The following LINGO2 variants were observed in gnomAD, a reference collection of about 807,000 sequenced individuals.
LINGO2 encodes leucine rich repeat and Ig domain containing 2, also known as leucine-rich repeat and immunoglobulin-like domain-containing nogo receptor-interacting protein 2.
Under a neutral mutation model 30.6 loss-of-function variants are expected in LINGO2, and 14 were observed. That is an observed-to-expected ratio of 0.46 (90% confidence interval 0.30 to 0.72). The LOEUF is 0.72. Among genes scored for constraint, LINGO2 ranks in the 30% least tolerant of loss-of-function variants. The probability of loss-of-function intolerance (pLI) is 0.07; values close to 1 mark genes in which losing one functional copy is unlikely to be tolerated. For missense variants in LINGO2, 729 were observed against 751.7 expected (o/e 0.97, Z 0.35); for synonymous variants, 317 against 288.5 (o/e 1.10, Z -1.00).
chr9:28,797,339 TATATATATATATATATATATAGAG>T, the LINGO2 span, among the ~76,000 whole-genome samples: 9 of 66,492 alleles, frequency 1.4e-4, no homozygotes, highest in African/African-American at 5.2e-4. Flanking sequence ...CATATATATA[TATATATATATATATATATATAGAG>T]AGAGAGAGAG....
chr9:28,277,555 G>T (rs1412776223), intron 4 of LINGO2, among the ~76,000 whole-genome samples: 2 of 152,172 alleles, frequency 1.3e-5, no homozygotes, highest in Non-Finnish European at 2.9e-5. Context: ...TGTAATCCCA[G>T]CACTCTGGGA....
chr9:27,976,960 A>G (rs1488248229), intron 5 of LINGO2, among the ~76,000 whole-genome samples: 1 of 152,038 alleles, frequency 6.6e-6, no homozygotes, highest in African/African-American at 2.4e-5. Context: ...TAAATACATA[A>G]ATCTCTGAGA....
intron 2 of LINGO2, among the ~76,000 whole-genome samples, chr9:28,392,528 G>A (rs1036638185): frequency 1.3e-5 from 2 of 152,162 alleles, no homozygotes; most frequent in African/African-American, 4.8e-5. Context: ...CAAGGTATGG[G>A]AGAGCAGCAG....
Position 27,949,489 on chromosome 9 carries a change from CCTTGAAAGA to C in LINGO2, c.1174_1182del (p.Ser392_Lys394del), listed in dbSNP as rs1823520314. ...AAAGAAAGGGCAGTGCTATGGAAAT[CCTTGAAAGA>C]CCTCTCACGGATGGTGTCTGGGCCA... On this transcript the variant is annotated inframe_deletion, in exon 6 of 6. Coordinates refer to ENST00000379992, the Ensembl canonical transcript of LINGO2. 3 of 1,614,098 alleles carry C rather than the reference CCTTGAAAGA, an allele frequency of 1.9e-6. No homozygotes were observed. In the East Asian group the frequency reaches 6.7e-5, roughly 36 times the overall value.
intron 4 of LINGO2, among the ~76,000 whole-genome samples, chr9:28,092,192 C>G (rs1237992330): frequency 1.3e-5 from 2 of 152,142 alleles, no homozygotes; most frequent in African/African-American, 4.8e-5. Flanking sequence ...CATCCCATTA[C>G]TGGGTATATA....
upstream of LINGO2, among the ~76,000 whole-genome samples, chr9:28,671,089 C>T (rs1377047738): frequency 6.6e-6 from 1 of 151,996 alleles, no homozygotes; most frequent in African/African-American, 2.4e-5. Context: ...CCATGTTTCC[C>T]ATACACAAAT....
At chr9:28,446,601 T>C (rs986756527) in intron 2 of LINGO2, among the ~76,000 whole-genome samples, 1 of 152,196 alleles carries the variant, frequency 6.6e-6, no homozygotes, top group African/African-American at 2.4e-5. Flanking sequence ...TATTCACTAA[T>C]CTTGATCCCT....
the LINGO2 span, among the ~76,000 whole-genome samples, chr9:29,177,858 A>G: frequency 6.6e-6 from 1 of 152,142 alleles, no homozygotes; most frequent in Non-Finnish European, 1.5e-5. Flanking sequence ...ACTTGGCTAC[A>G]TTAAAATTGA....
At chr9:28,727,200 C>T in the LINGO2 span, among the ~76,000 whole-genome samples, 3 of 152,130 alleles carry the variant, frequency 2.0e-5, no homozygotes, top group South Asian at 6.2e-4. Context: ...TGACAGAGGC[C>T]CCAAACTATT....
At chr9:27,963,435 T>G (rs1488298849) in intron 5 of LINGO2, among the ~76,000 whole-genome samples, 1 of 152,168 alleles carries the variant, frequency 6.6e-6, no homozygotes, top group East Asian at 1.9e-4. Context: ...GCAACCATTA[T>G]TTTTAAAAAA....
At chr9:29,142,496 A>C in the LINGO2 span, among the ~76,000 whole-genome samples, 116,908 of 151,520 alleles carry the variant, frequency 0.77, 46,090 homozygotes, top group East Asian at 0.92. Context: ...CCTTAAAAAA[A>C]TAGAAAAAGA....
At chr9:29,116,794 G>A in the LINGO2 span, among the ~76,000 whole-genome samples, 34 of 152,060 alleles carry the variant, frequency 2.2e-4, no homozygotes, top group South Asian at 6.2e-4. Flanking sequence ...GCAGCACATC[G>A]TTAAGTGGCT....
At chr9:28,993,277 A>G in the LINGO2 span, among the ~76,000 whole-genome samples, 1 of 152,172 alleles carries the variant, frequency 6.6e-6, no homozygotes, top group East Asian at 1.9e-4. Context: ...AGAAATGGAT[A>G]AATTCCTCGA....
chr9:28,687,763 AT>A, the LINGO2 span, among the ~76,000 whole-genome samples: 1 of 151,910 alleles, frequency 6.6e-6, no homozygotes, highest in African/African-American at 2.4e-5. Flanking sequence ...TTTTTTGTTT[AT>A]TTTTATTCAG....
At chr9:29,083,521 T>G in the LINGO2 span, among the ~76,000 whole-genome samples, 1 of 151,976 alleles carries the variant, frequency 6.6e-6, no homozygotes, top group African/African-American at 2.4e-5. Context: ...ACATGGCACA[T>G]GTATACATAT....
At chr9:28,650,666 G>C (rs1259941348) in intron 1 of LINGO2, among the ~76,000 whole-genome samples, 2 of 151,990 alleles carry the variant, frequency 1.3e-5, no homozygotes, top group Non-Finnish European at 2.9e-5. Flanking sequence ...CCTCTTCCCT[G>C]GCTGTTTTCT....
intron 4 of LINGO2, among the ~76,000 whole-genome samples, chr9:28,140,062 C>T (rs1235721550): frequency 6.6e-6 from 1 of 152,186 alleles, no homozygotes; most frequent in African/African-American, 2.4e-5. Context: ...ACCTTTGTCC[C>T]TCCAGCAAAA....
chr9:28,111,856 A>C (rs888845490), intron 4 of LINGO2, among the ~76,000 whole-genome samples: 2 of 152,148 alleles, frequency 1.3e-5, no homozygotes, highest in Non-Finnish European at 2.9e-5. Context: ...CTATATATGA[A>C]GGTGATATTC....
intron 1 of LINGO2, among the ~76,000 whole-genome samples, chr9:28,662,787 T>A (rs1455154582): frequency 6.6e-6 from 1 of 152,168 alleles, no homozygotes; most frequent in Non-Finnish European, 1.5e-5. Flanking sequence ...AGTTGCTGAA[T>A]GAATATTGAA....
Sources: gnomAD v4.1 joint callset for allele counts (sites outside exome capture counted in the v4.1 genomes callset) on GRCh38, gnomAD v4.1.1 for gene constraint, MANE v1.5 for transcripts, NCBI Gene and HGNC (gene_info 2026-07-23, HGNC 2026-07-21) for gene names.